CCAR1: variants seen among roughly 807,000 people sequenced by gnomAD.
The protein encoded by CCAR1 is cell division cycle and apoptosis regulator 1, also known as cell division cycle and apoptosis regulator protein 1.
In CCAR1, 78 loss-of-function variants were observed where a neutral mutation model predicts 163.8. The observed-to-expected ratio is 0.48, with a 90% CI of 0.40 to 0.57. The LOEUF is 0.57. Ranked by LOEUF, CCAR1 falls within the 20% of genes least tolerant of loss-of-function variation. CCAR1 has a pLI of 0.00. For missense variants in CCAR1, 1,019 were observed against 1,365.2 expected, an observed-to-expected ratio of 0.75 and a Z score of 4.00; for synonymous variants, 443 against 460.7, an observed-to-expected ratio of 0.96 and a Z score of 0.49.
Position 68,771,267 on chromosome 10 carries a change from A to G in CCAR1, c.2360A>G (p.Tyr787Cys), listed in dbSNP as rs1341146677. ...CAAAGAGATTTTGGTGTCCGTATATACAAATCATTACTGTCTCTTCCTGAG... is the reference window on the plus strand; with the variant it reads ...CAAAGAGATTTTGGTGTCCGTATATGCAAATCATTACTGTCTCTTCCTGAG... ...MLQRDFGVRI[Y>C]KSLLSLPEKE... Residue 787 changes from tyrosine to cysteine, a missense_variant, in exon 18 of 25, where the codon TAC becomes TGC. Physicochemically the swap from Tyr to Cys is radical, Grantham distance 194. Around this residue, in one of 4 missense-constraint regions of CCAR1, gnomAD observed 17 missense variants for 36.6 expected, o/e 0.47. Transcript: ENST00000265872. 1.2e-6 allele frequency: 2 copies of G among 1,605,562 alleles called. No homozygotes were observed. The highest frequency in any genetic ancestry group is 1.7e-6 in the Non-Finnish European group (2 of 1,176,622).
intron 19 of CCAR1, among the ~76,000 whole-genome samples, chr10:68,778,617 T>C (rs2056697236): frequency 6.6e-6 from 1 of 152,194 alleles, no homozygotes; most frequent in Admixed American, 6.6e-5. Context: ...CCCCTACACT[T>C]GAATAAAAGC....
At chr10:68,730,624 C>T (rs1416486493) in intron 2 of CCAR1, among the ~76,000 whole-genome samples, 1 of 152,188 alleles carries the variant, frequency 6.6e-6, no homozygotes, top group Non-Finnish European at 1.5e-5. Flanking sequence ...GCGTGAGCCA[C>T]CGCACCCAGC....
At chr10:68,754,849 A>G in intron 12 of CCAR1, 22 bp downstream of exon 12, 1 of 1,281,738 alleles carries the variant, frequency 7.8e-7, no homozygotes, top group East Asian at 2.3e-5. Flanking sequence ...CATTTGTTTT[A>G]ACTTTAGATG....
chr10:68,760,977 T>C (rs1273267986), intron 15 of CCAR1, 30 bp from the exon 16 acceptor site: 4 of 1,283,728 alleles, frequency 3.1e-6, no homozygotes, highest in Admixed American at 2.8e-5. Context: ...ACCTTTTTTT[T>C]TTCCGTGTTT....
chr10:68,762,419 A>C (rs2056484959), intron 16 of CCAR1, among the ~76,000 whole-genome samples: 1 of 152,186 alleles, frequency 6.6e-6, no homozygotes, highest in South Asian at 2.1e-4. Context: ...CTTATTCCAG[A>C]ATCTGTCTAC....
rs2056387741 is a variant in CCAR1, at chr10:68,755,475, A to G, written c.1564A>G (p.Lys522Glu). ...DPEKDPSVLI[K>E]TAIRCCKALT... is the part of the protein sequence containing the mutation. ...AGAAAAAGATCCCTCTGTGTTGATTAAGACTGCTATTCGTTGTTGTAAGGC... is the reference window on the plus strand; with the variant it reads ...AGAAAAAGATCCCTCTGTGTTGATTGAGACTGCTATTCGTTGTTGTAAGGC... The change falls in exon 13 of 25, where the codon AAG (lysine) becomes GAG (glutamate). Residue 522 changes from lysine to glutamate, a missense_variant. Transcript: ENST00000265872. The G allele has an allele frequency of 6.2e-7, 1 of 1,614,194 alleles. No homozygotes were observed. The highest frequency in any genetic ancestry group is 8.5e-7 in the Non-Finnish European group (1 of 1,180,002).
chr10:68,752,630 G>C (rs1162067939), intron 10 of CCAR1, among the ~76,000 whole-genome samples: 1 of 152,136 alleles, frequency 6.6e-6, no homozygotes, highest in Non-Finnish European at 1.5e-5. Context: ...CAGCACTTTA[G>C]GAGGCTGAGG....
chr10:68,774,575 G>A (rs1422184198), intron 19 of CCAR1, among the ~76,000 whole-genome samples: 1 of 151,138 alleles, frequency 6.6e-6, no homozygotes, highest in Non-Finnish European at 1.5e-5. Context: ...AGGTTGCAGC[G>A]AGCCCAGATT....
chr10:68,779,086 G>A (rs528950655), intron 19 of CCAR1, among the ~76,000 whole-genome samples: 2 of 152,034 alleles, frequency 1.3e-5, no homozygotes, highest in Non-Finnish European at 2.9e-5. Flanking sequence ...CTTGTGATCC[G>A]CCTGCCTCGG....
chr10:68,734,588 C>T (rs972667522), intron 2 of CCAR1, among the ~76,000 whole-genome samples: 7 of 152,064 alleles, frequency 4.6e-5, no homozygotes, highest in Non-Finnish European at 8.8e-5. Flanking sequence ...CCTCTGCCCG[C>T]CCCCGGGTTG....
At chr10:68,723,194 T>C (rs2055885403) in intron 2 of CCAR1, among the ~76,000 whole-genome samples, 1 of 151,408 alleles carries the variant, frequency 6.6e-6, no homozygotes, top group Admixed American at 6.6e-5. Flanking sequence ...CAATCTCAGC[T>C]CACTGCAAGC....
chr10:68,736,489 C>G (rs2056112608), intron 2 of CCAR1, among the ~76,000 whole-genome samples: 1 of 152,098 alleles, frequency 6.6e-6, no homozygotes, highest in Non-Finnish European at 1.5e-5. Context: ...CCAATCCTGC[C>G]CTGGGCCCCA....
intron 19 of CCAR1, among the ~76,000 whole-genome samples, chr10:68,777,303 T>A (rs1025965212): frequency 6.6e-6 from 1 of 152,208 alleles, no homozygotes; most frequent in Non-Finnish European, 1.5e-5. Flanking sequence ...ATTGCCAGAA[T>A]GATCTTCGCA....
intron 19 of CCAR1, among the ~76,000 whole-genome samples, chr10:68,784,086 GAC>G (rs1288987832): frequency 6.6e-6 from 1 of 152,128 alleles, no homozygotes; most frequent in Non-Finnish European, 1.5e-5. Flanking sequence ...GATGAGCAAA[GAC>G]AGTGTTTTTT....
In CCAR1 at chr10:68,787,929, A is replaced by G. The variant is rs754688719; in HGVS notation, c.2883A>G (p.Val961=). 6.2e-7 allele frequency: 1 copy of G among 1,602,520 alleles called. No homozygotes were observed. Among genetic ancestry groups the G allele is most frequent in the East Asian group, 2.2e-5 (1 of 44,790 alleles). ...TLGLHLSRAQ[V]KKLLNKVVLR... The stretch of plus-strand genomic sequence containing the variant: ...TTGTTTACTTGCATGCATAACAGGT[A>G]AAGAAGCTTCTTAATAAAGTAGTGC... Residue 961 remains valine, a splice_region_variant and synonymous_variant, in exon 22 of 25, where the codon GTA becomes GTG. Coordinates refer to ENST00000265872, the MANE Select transcript of CCAR1 (RefSeq NM_018237.4).
intron 2 of CCAR1, among the ~76,000 whole-genome samples, chr10:68,730,739 C>G (rs530079617): frequency 6.6e-6 from 1 of 152,008 alleles, no homozygotes; most frequent in Non-Finnish European, 1.5e-5. Context: ...TCACACAGGC[C>G]GGAGTACAGT....
At chr10:68,750,578 G>C (rs898883507) in intron 10 of CCAR1, among the ~76,000 whole-genome samples, 1 of 152,110 alleles carries the variant, frequency 6.6e-6, no homozygotes, top group Admixed American at 6.6e-5. Flanking sequence ...ATATTAACTA[G>C]CAAAATTATT....
At chr10:68,789,511 AGAGT>A (rs2056830837) in intron 23 of CCAR1, among the ~76,000 whole-genome samples, 195 bp from the exon 24 acceptor site, 1 of 152,064 alleles carries the variant, frequency 6.6e-6, no homozygotes, top group Non-Finnish European at 1.5e-5. Context: ...CTGGCGCAAC[AGAGT>A]GAGACTCAGT....
chr10:68,771,099 G>T, intron 17 of CCAR1, 107 bp from the exon 18 acceptor site: 1 of 962,062 alleles, frequency 1.0e-6, no homozygotes, highest in Non-Finnish European at 1.5e-6. Flanking sequence ...AGTTTGATAA[G>T]TTTACATAAT....
Sources: allele counts gnomAD v4.1 joint callset (sites outside exome capture counted in the v4.1 genomes callset), GRCh38; gene constraint gnomAD v4.1.1; regional missense constraint gnomAD v4.1.1; transcripts MANE v1.5; gene names NCBI Gene and HGNC (gene_info 2026-07-23, HGNC 2026-07-21).